Variants in VWC2L observed in about 807,000 individuals in gnomAD.
VWC2L encodes the protein von Willebrand factor C domain-containing protein 2-like.
Under a neutral mutation model 21.6 loss-of-function variants are expected in VWC2L, and 10 were observed. The observed-to-expected ratio is 0.46, with a 90% CI of 0.29 to 0.78. VWC2L has a LOEUF of 0.78. Among genes scored for constraint, VWC2L ranks in the 30% least tolerant of loss-of-function variants. The pLI, the probability that VWC2L is intolerant of heterozygous loss-of-function variation, is 0.10. For missense variants in VWC2L, 209 were observed against 277.1 expected (o/e 0.75, Z 1.74); for synonymous variants, 96 against 94.3 (o/e 1.02, Z -0.10).
At chr2:214,433,159 G>GATAT (rs5838434) in intron 2 of VWC2L, among the ~76,000 whole-genome samples, 1,946 of 132,958 alleles carry the variant, frequency 0.015, 42 homozygotes, top group Middle Eastern at 0.016. Context: ...CAAGCCACCT[G>GATAT]ATATATATAT....
chr2:214,532,372 A>G (rs940877396), intron 3 of VWC2L, among the ~76,000 whole-genome samples: 7 of 133,862 alleles, frequency 5.2e-5, no homozygotes, highest in Non-Finnish European at 8.0e-5. Context: ...CGCTTTTCTG[A>G]TAAATGTACT....
intron 3 of VWC2L, among the ~76,000 whole-genome samples, chr2:214,493,150 G>A (rs971329458): frequency 6.6e-6 from 1 of 152,196 alleles, no homozygotes; most frequent in Non-Finnish European, 1.5e-5. Context: ...AGGCTTCTCT[G>A]AGAAAATTAG....
Position 214,537,666 on chromosome 2 carries a change from C to T in VWC2L, c.521-38006C>T, listed in dbSNP as rs370608487. On this transcript the variant is annotated intron_variant, in intron 3 of 3. Coordinates refer to ENST00000312504, the MANE Select transcript of VWC2L (RefSeq NM_001080500.4). ...TGTCAATTACCTTGATTCACTCATT[C>T]CACATTGTATACATACATCATAACA... 5.9e-5 allele frequency among the ~76,000 whole-genome samples: 9 copies of T among 152,034 alleles called. No homozygotes were observed. The East Asian group carries it at 1.4e-3, about 23-fold the overall frequency.
intron 3 of VWC2L, among the ~76,000 whole-genome samples, chr2:214,540,758 G>A (rs7563747): frequency 0.21 from 32,485 of 152,012 alleles, 4,090 homozygotes; most frequent in East Asian, 0.48. Context: ...AAAATGCCTA[G>A]CATCCGTAAA....
At chr2:214,472,898 G>C (rs1703330512) in intron 3 of VWC2L, among the ~76,000 whole-genome samples, 1 of 152,114 alleles carries the variant, frequency 6.6e-6, no homozygotes, top group African/African-American at 2.4e-5. Flanking sequence ...ACCATAATTA[G>C]GCATCTACTT....
At position 214,436,658 on chromosome 2, in the gene VWC2L, G is replaced by A. The variant is rs1702683517; in HGVS notation, c.420G>A (p.Glu140=). ...KPSPCEWCRC[E]PSNEVHCVVA... ...CTCCATGTGAATGGTGTCGCTGTGA[G>A]CCCAGCAATGAAGTTCACTGTGTTG... Residue 140 remains glutamate (E), a synonymous_variant, in exon 3 of 4, where the codon GAG becomes GAA. Transcript: ENST00000312504. The A allele has an allele frequency of 6.2e-7, 1 of 1,613,244 alleles. No homozygotes were observed. Among genetic ancestry groups the A allele is most frequent in the Non-Finnish European group, 8.5e-7 (1 of 1,179,436 alleles).
rs548912002 is a variant in VWC2L at position 214,547,774 on chromosome 2, T to C, written c.521-27898T>C. ...AAATAAGGAAAAGCACATAAGTAAC[T>C]GGGTTTTGGTGGAAAACAAACAGCC... On this transcript the variant is annotated intron_variant, in intron 3 of 3. Coordinates refer to ENST00000312504, the MANE Select transcript of VWC2L (RefSeq NM_001080500.4). 5.6e-4 allele frequency among the ~76,000 whole-genome samples: 85 copies of C among 152,322 alleles called. 1 individual carries two copies. The highest frequency in any genetic ancestry group is 1.9e-3 in the African/African-American group (78 of 41,574).
At chr2:214,495,032 T>C (rs906251728) in intron 3 of VWC2L, among the ~76,000 whole-genome samples, 1 of 152,196 alleles carries the variant, frequency 6.6e-6, no homozygotes, top group East Asian at 1.9e-4. Context: ...AAGTGTCTGG[T>C]TTATTAAAAA....
rs1690268786 is a variant in VWC2L at position 214,578,594 on chromosome 2, T to C, written c.*2774T>C. The C allele has an allele frequency of 6.6e-6, 1 of 152,190 alleles. No homozygotes were observed. The highest frequency in any genetic ancestry group is 6.6e-5 in the Admixed American group (1 of 15,258). 9.4% of individuals were successfully genotyped at this position (152,190 alleles called of 1,614,324 possible). A position where few individuals can be genotyped will look rare whatever the true frequency, so the allele number is the denominator to read the frequency against. On this transcript the variant is annotated 3_prime_UTR_variant, in exon 4 of 4. Transcript: ENST00000312504. ...AACTGATAAACATTTTACAACTTCC[T>C]TCTACCCAGGTCATTGAGAAATTCT...
At chr2:214,430,104 G>T (rs749096702) in intron 2 of VWC2L, among the ~76,000 whole-genome samples, 1 of 151,732 alleles carries the variant, frequency 6.6e-6, no homozygotes, top group Non-Finnish European at 1.5e-5. Flanking sequence ...GATTACAAGC[G>T]TGAGCCACCG....
intron 3 of VWC2L, among the ~76,000 whole-genome samples, chr2:214,457,487 C>A (rs1311796149): frequency 1.3e-5 from 2 of 152,032 alleles, no homozygotes; most frequent in African/African-American, 2.4e-5. Context: ...CTTTCATTTC[C>A]CTTGACTGGT....
intron 2 of VWC2L, among the ~76,000 whole-genome samples, chr2:214,428,184 T>C (rs1702553206): frequency 6.6e-6 from 1 of 152,146 alleles, no homozygotes; most frequent in Non-Finnish European, 1.5e-5. Context: ...TCCCACATCG[T>C]TTACATGTGC....
intron 3 of VWC2L, among the ~76,000 whole-genome samples, chr2:214,557,312 A>C (rs1475536495): frequency 6.6e-6 from 1 of 152,118 alleles, no homozygotes; most frequent in African/African-American, 2.4e-5. Context: ...AAGCCATCAA[A>C]TCTCGTGAGA....
intron 3 of VWC2L, among the ~76,000 whole-genome samples, chr2:214,533,239 G>A (rs1458234244): frequency 2.0e-5 from 3 of 151,848 alleles, no homozygotes; most frequent in South Asian, 2.1e-4. Context: ...AATTACATAC[G>A]TATATGTATG....
intron 3 of VWC2L, among the ~76,000 whole-genome samples, chr2:214,574,150 T>TAAC (rs552996097): frequency 6.6e-6 from 1 of 151,938 alleles, no homozygotes; most frequent in Non-Finnish European, 1.5e-5. Context: ...TCAAAAACAA[T>TAAC]AACAACAACA....
intron 2 of VWC2L, among the ~76,000 whole-genome samples, chr2:214,417,398 C>A (rs765942271): frequency 2.0e-5 from 3 of 152,188 alleles, no homozygotes; most frequent in Non-Finnish European, 2.9e-5. Flanking sequence ...CCCAATATAA[C>A]TCCCAAGAGA....
At position 214,558,031 on chromosome 2, in the gene VWC2L, C is replaced by T. The variant is rs149155812; in HGVS notation, c.521-17641C>T. 7.1e-3 allele frequency among the ~76,000 whole-genome samples: 1,081 copies of T among 152,318 alleles called. 13 individuals carry two copies. Among genetic ancestry groups the T allele is most frequent in the African/African-American group, 0.024 (1,005 of 41,562 alleles). On this transcript the variant is annotated intron_variant, in intron 3 of 3. Coordinates refer to ENST00000312504, the MANE Select transcript of VWC2L (RefSeq NM_001080500.4). ...AGCCTGGCCTTTGCCTTCACCACTC[C>T]GCAGACATTGTACTTGTCAAGCAAG...
At chr2:214,530,470 T>C (rs1396189133) in intron 3 of VWC2L, among the ~76,000 whole-genome samples, 1 of 152,158 alleles carries the variant, frequency 6.6e-6, no homozygotes, top group Non-Finnish European at 1.5e-5. Flanking sequence ...TGTGCTCTCA[T>C]CCCATGGCAG....
intron 3 of VWC2L, among the ~76,000 whole-genome samples, chr2:214,565,566 T>C (rs1180878971): frequency 1.3e-5 from 2 of 152,230 alleles, no homozygotes; most frequent in Admixed American, 1.3e-4. Context: ...CACTGCTATA[T>C]GCCCTCTCAC....
Sources: gnomAD v4.1 joint callset for allele counts (sites outside exome capture counted in the v4.1 genomes callset) on GRCh38, gnomAD v4.1.1 for gene constraint, MANE v1.5 for transcripts, NCBI Gene and HGNC (gene_info 2026-07-23, HGNC 2026-07-21) for gene names.